The following TRIM16 variants were observed in gnomAD, a reference collection of about 807,000 sequenced individuals.
TRIM16 encodes the protein tripartite motif containing 16, also known as tripartite motif-containing protein 16.
TRIM16 carries 33 observed loss-of-function variants against 50.4 expected under a neutral mutation model. That is an observed-to-expected ratio of 0.65 (90% CI 0.50 to 0.88). TRIM16 has a LOEUF of 0.88. Ranked by LOEUF, TRIM16 falls within the 40% of genes least tolerant of loss-of-function variation. TRIM16 has a pLI of 0.00. For synonymous variants in TRIM16, 229 were observed against 270.7 expected (o/e 0.85, Z 1.51); for missense variants, 581 against 686.8 (o/e 0.85, Z 1.72).
chr17:15,673,089 A>G (rs1988789199), intron 6 of TRIM16, among the ~76,000 whole-genome samples: 1 of 152,222 alleles, frequency 6.6e-6, no homozygotes, highest in African/African-American at 2.4e-5. Flanking sequence ...TGAAGGAACA[A>G]CAATGGTTTC....
intron 9 of TRIM16, among the ~76,000 whole-genome samples, chr17:15,634,016 A>G (rs1986577884): frequency 7.4e-6 from 1 of 134,290 alleles, no homozygotes; most frequent in Non-Finnish European, 1.6e-5. Flanking sequence ...AAGATGGTGA[A>G]ACCCCATCTC....
intron 7 of TRIM16, among the ~76,000 whole-genome samples, chr17:15,644,441 C>A (rs1328425264): frequency 2.0e-5 from 3 of 152,196 alleles, no homozygotes; most frequent in Non-Finnish European, 4.4e-5. Context: ...GCCTCCACCT[C>A]GGCCTCCCAA....
chr17:15,644,079 G>A (rs1283689153), intron 7 of TRIM16, among the ~76,000 whole-genome samples: 4 of 152,190 alleles, frequency 2.6e-5, no homozygotes, highest in Non-Finnish European at 5.9e-5. Context: ...AGGGATGTGG[G>A]AGGGAAGTGA....
chr17:15,637,215 A>G (rs1597609721), intron 8 of TRIM16, among the ~76,000 whole-genome samples: 1 of 108,190 alleles, frequency 9.2e-6, no homozygotes, highest in African/African-American at 3.6e-5. Flanking sequence ...TCCGGGAGGG[A>G]GGTGGGGGGG....
At chr17:15,671,180 G>A (rs1395944972) in intron 6 of TRIM16, among the ~76,000 whole-genome samples, 3 of 152,144 alleles carry the variant, frequency 2.0e-5, no homozygotes, top group East Asian at 1.9e-4. Flanking sequence ...CACTGAAGTC[G>A]TGCTCTTACA....
intron 1 of TRIM16, chr17:15,683,809 A>G (rs1989273153): frequency 6.6e-6 from 1 of 152,362 alleles, no homozygotes; most frequent in Non-Finnish European, 1.5e-5. Context: ...ATCCCCTCCT[A>G]CGTTCACACT....
intron 8 of TRIM16, among the ~76,000 whole-genome samples, chr17:15,637,170 G>A (rs1597609531): frequency 7.6e-6 from 1 of 131,534 alleles, no homozygotes; most frequent in South Asian, 2.5e-4. Context: ...GGAGGGAGGT[G>A]GGGGGGTCAG....
intron 7 of TRIM16, among the ~76,000 whole-genome samples, chr17:15,645,571 G>T (rs904207781): frequency 1.9e-4 from 27 of 140,746 alleles, no homozygotes; most frequent in African/African-American, 6.6e-4. Context: ...AAAAGAAAAA[G>T]AAAAAAAAAA....
chr17:15,657,491 CT>C (rs1988032588), intron 6 of TRIM16, among the ~76,000 whole-genome samples: 1 of 152,336 alleles, frequency 6.6e-6, no homozygotes, highest in Non-Finnish European at 1.5e-5. Context: ...CTCCACAACT[CT>C]TTTCATCTTG....
intron 6 of TRIM16, among the ~76,000 whole-genome samples, chr17:15,666,243 T>C (rs1988495020): frequency 6.6e-6 from 1 of 152,198 alleles, no homozygotes; most frequent in Non-Finnish European, 1.5e-5. Flanking sequence ...TTCATTTATG[T>C]ATTTATTTAT....
intron 9 of TRIM16, chr17:15,632,967 T>A (rs1472052840): frequency 2.1e-5 from 5 of 236,264 alleles, no homozygotes; most frequent in South Asian, 1.7e-4. Flanking sequence ...CAGTCCAGAC[T>A]GGGGACCAAA....
chr17:15,669,149 TTAGAGTA>T (rs1450744286), intron 6 of TRIM16, among the ~76,000 whole-genome samples: 1 of 151,958 alleles, frequency 6.6e-6, no homozygotes, highest in Non-Finnish European at 1.5e-5. Flanking sequence ...TGCTACACTG[TTAGAGTA>T]TAAACTAGTA....
At chr17:15,650,980 G>A in intron 7 of TRIM16, 111 bp downstream of exon 7, 1 of 1,415,842 alleles carries the variant, frequency 7.1e-7, no homozygotes, top group Non-Finnish European at 9.5e-7. Context: ...TCTTTTTCAG[G>A]TATGCTCAGA....
At chr17:15,650,801 G>T (rs1987651446) in intron 7 of TRIM16, among the ~76,000 whole-genome samples, 1 of 152,146 alleles carries the variant, frequency 6.6e-6, no homozygotes. Context: ...ACCAAAAGCT[G>T]TATAAGGCAC....
intron 6 of TRIM16, among the ~76,000 whole-genome samples, chr17:15,671,002 G>T (rs1365914283): frequency 6.6e-6 from 1 of 152,304 alleles, no homozygotes; most frequent in Non-Finnish European, 1.5e-5. Flanking sequence ...TTTGGACTTG[G>T]ATTAATCTGA....
rs1988930365 is a variant in TRIM16 at position 15,676,118 on chromosome 17, T to C, written c.-338+1058A>G. ...GCAGGTTTTCTCAACTGCAGCACTGTTGCCGTTTTAGACAGACAAGTCTTT... is the reference window on the plus strand; with the variant it reads ...GCAGGTTTTCTCAACTGCAGCACTGCTGCCGTTTTAGACAGACAAGTCTTT... On this transcript the variant is annotated intron_variant, in intron 6 of 11. Coordinates refer to ENST00000649191, the MANE Select transcript of TRIM16 (RefSeq NM_001348119.1). Among the ~76,000 whole-genome samples the C allele has an allele frequency of 1.3e-5, 2 of 152,142 alleles. 1 individual carries two copies. Among genetic ancestry groups the C allele is most frequent in the South Asian group, 4.1e-4 (2 of 4,830 alleles).
chr17:15,663,719 T>A (rs1287792772), intron 6 of TRIM16, among the ~76,000 whole-genome samples: 1 of 152,164 alleles, frequency 6.6e-6, no homozygotes. Flanking sequence ...CCAAACTGTC[T>A]CCTTACAGCT....
At chr17:15,638,842 AATG>A (rs1242212929) in intron 8 of TRIM16, among the ~76,000 whole-genome samples, 1 of 145,266 alleles carries the variant, frequency 6.9e-6, no homozygotes, top group Non-Finnish European at 1.5e-5. Context: ...GGGAAGAAAA[AATG>A]ATGACACCAG....
chr17:15,683,516 C>T (rs150822882), intron 1 of TRIM16: 187 of 168,130 alleles, frequency 1.1e-3, no homozygotes, highest in Non-Finnish European at 2.1e-3. Context: ...CTACAACAAG[C>T]TACTTTTCAT....
Sources: gnomAD v4.1 joint callset for allele counts (sites outside exome capture counted in the v4.1 genomes callset) on GRCh38, gnomAD v4.1.1 for gene constraint, MANE v1.5 for transcripts, NCBI Gene and HGNC (gene_info 2026-07-23, HGNC 2026-07-21) for gene names.